The following PEBP4 variants were observed in gnomAD, a reference collection of about 807,000 sequenced individuals.
PEBP4 encodes the protein phosphatidylethanolamine-binding protein 4.
A neutral mutation model predicts 23.9 loss-of-function variants in PEBP4; 22 were observed. That is an observed-to-expected ratio of 0.92 (90% CI 0.66 to 1.31). The LOEUF is 1.31. Among genes scored for constraint, PEBP4 ranks in the 40% most tolerant of loss-of-function variants. PEBP4 has a pLI of 0.00. For missense variants in PEBP4, 324 were observed against 281.7 expected (o/e 1.15, Z -1.07); for synonymous variants, 112 against 99.3 (o/e 1.13, Z -0.76).
chr8:22,718,855 T>C (rs1335040420), intron 6 of PEBP4, among the ~76,000 whole-genome samples: 1 of 152,112 alleles, frequency 6.6e-6, no homozygotes. Flanking sequence ...CCTCCATGCT[T>C]CCTGACACCA....
intron 6 of PEBP4, among the ~76,000 whole-genome samples, chr8:22,716,226 C>G (rs1389706872): frequency 6.6e-6 from 1 of 152,178 alleles, no homozygotes; most frequent in African/African-American, 2.4e-5. Context: ...ATATGATGTA[C>G]AGGTTGATCC....
chr8:22,919,196 C>T (rs975849678), intron 3 of PEBP4, among the ~76,000 whole-genome samples: 2 of 152,168 alleles, frequency 1.3e-5, no homozygotes, highest in East Asian at 1.9e-4. Context: ...TGAGGCCTAA[C>T]CAAGGCAGCA....
chr8:22,760,838 T>C (rs1354206681), intron 4 of PEBP4, among the ~76,000 whole-genome samples: 3 of 152,190 alleles, frequency 2.0e-5, no homozygotes, highest in Admixed American at 6.5e-5. Context: ...GGATGAACTC[T>C]GGCAAAGGTT....
Position 22,775,924 on chromosome 8 carries a change from A to T in PEBP4, c.357+41713T>A, listed in dbSNP as rs1240833052. ...GAGCTTCTCTGGGCCATCTGTCCCT[A>T]CCAGGGATGGCCAGGGTGGTCTGGG... On this transcript the variant is annotated intron_variant, in intron 4 of 6. Transcript: ENST00000256404. The surrounding 1 kb of genome is among the most constrained non-coding windows in gnomAD (Gnocchi z 4.8). 2.0e-5 allele frequency among the ~76,000 whole-genome samples: 3 copies of T among 151,938 alleles called. No individual in the cohort carries two copies. Among genetic ancestry groups the T allele is most frequent in the African/African-American group, 7.3e-5 (3 of 41,348 alleles).
chr8:22,790,027 C>T (rs1178604006), intron 4 of PEBP4, among the ~76,000 whole-genome samples: 1 of 152,166 alleles, frequency 6.6e-6, no homozygotes, highest in Non-Finnish European at 1.5e-5. Context: ...ACCCCCATGG[C>T]CGCTCCGTCA....
chr8:22,745,401 C>A, intron 4 of PEBP4, among the ~76,000 whole-genome samples: 1 of 152,168 alleles, frequency 6.6e-6, no homozygotes, highest in East Asian at 1.9e-4. Flanking sequence ...AGGGCAGGGG[C>A]AGAGGCTGGG....
chr8:22,896,499 G>A (rs964080791), intron 3 of PEBP4, among the ~76,000 whole-genome samples: 5 of 152,100 alleles, frequency 3.3e-5, no homozygotes, highest in Non-Finnish European at 7.4e-5. Flanking sequence ...TCACTCAGGC[G>A]CACTCCTACT....
chr8:22,765,968 T>A (rs1171990301), intron 4 of PEBP4, among the ~76,000 whole-genome samples: 1 of 152,278 alleles, frequency 6.6e-6, no homozygotes, highest in Non-Finnish European at 1.5e-5. Context: ...CCACAGTGTT[T>A]AAGACCAAGC....
intron 4 of PEBP4, among the ~76,000 whole-genome samples, chr8:22,796,671 T>C (rs1806266730): frequency 6.6e-6 from 1 of 152,118 alleles, no homozygotes; most frequent in African/African-American, 2.4e-5. Flanking sequence ...GCCTAGATTA[T>C]CCTAAGTGAA....
intron 3 of PEBP4, among the ~76,000 whole-genome samples, chr8:22,913,013 T>G (rs13258613): frequency 0.5 from 76,375 of 152,036 alleles, 19,520 homozygotes; most frequent in African/African-American, 0.6. Flanking sequence ...ACACACACAG[T>G]TCTCCTGGAA....
At chr8:22,939,336 C>T (rs1487077628) in intron 1 of PEBP4, among the ~76,000 whole-genome samples, 2 of 152,038 alleles carry the variant, frequency 1.3e-5, no homozygotes, top group African/African-American at 4.8e-5. Context: ...ACCTGCCTTG[C>T]ATGAAATGTT....
intron 4 of PEBP4, among the ~76,000 whole-genome samples, chr8:22,733,224 CT>C (rs1465110914): frequency 4.6e-5 from 7 of 152,198 alleles, no homozygotes; most frequent in Non-Finnish European, 8.8e-5. Flanking sequence ...CCCTACCCAT[CT>C]TTGTGACCTA....
Position 22,791,384 on chromosome 8 carries a change from T to G in PEBP4, c.357+26253A>C, listed in dbSNP as rs138291772. 1.8e-4 allele frequency among the ~76,000 whole-genome samples: 28 copies of G among 152,302 alleles called. 1 individual carries two copies. Among genetic ancestry groups the G allele is most frequent in the Admixed American group, 3.9e-4 (6 of 15,306 alleles). ...TCTGCTCATTGCCATCCTGTCCTCA[T>G]GCTCAACCCTCTCTCAAATTTTAAT... On this transcript the variant is annotated intron_variant, in intron 4 of 6. Coordinates refer to ENST00000256404, the MANE Select transcript of PEBP4 (RefSeq NM_144962.3).
At chr8:22,793,533 A>C (rs993228471) in intron 4 of PEBP4, among the ~76,000 whole-genome samples, 2 of 150,104 alleles carry the variant, frequency 1.3e-5, no homozygotes, top group African/African-American at 2.5e-5. Flanking sequence ...TGCCCACCTC[A>C]GCCTCCCAAA....
At chr8:22,756,786 C>T (rs1033915676) in intron 4 of PEBP4, among the ~76,000 whole-genome samples, 30 of 152,042 alleles carry the variant, frequency 2.0e-4, no homozygotes, top group South Asian at 2.1e-4. Flanking sequence ...CTGTTGAGTT[C>T]GGAAATCGTG....
chr8:22,724,984 G>T, intron 5 of PEBP4, 28 bp from the exon 6 acceptor site: 1 of 1,563,120 alleles, frequency 6.4e-7, no homozygotes, highest in Non-Finnish European at 8.8e-7. Context: ...AGAGAGGTGA[G>T]CATCAACATC....
At chr8:22,735,249 G>C (rs1444204335) in intron 4 of PEBP4, among the ~76,000 whole-genome samples, 1 of 152,234 alleles carries the variant, frequency 6.6e-6, no homozygotes, top group Non-Finnish European at 1.5e-5. Context: ...TAGAGGCCAT[G>C]CTGGGGGGAG....
intron 4 of PEBP4, among the ~76,000 whole-genome samples, chr8:22,753,913 TC>T (rs1805322431): frequency 1.3e-5 from 2 of 152,060 alleles, no homozygotes; most frequent in Admixed American, 6.6e-5. Context: ...GTGGGGCCCC[TC>T]CCCACAACCT....
rs534744035 is a variant in PEBP4 at position 22,908,120 on chromosome 8, T to G, written c.258+12064A>C. Among the ~76,000 whole-genome samples the G allele has an allele frequency of 4.8e-3, 728 of 152,030 alleles. 1 individual carries two copies. Among genetic ancestry groups the G allele is most frequent in the Middle Eastern group, 6.8e-3 (2 of 292 alleles). On this transcript the variant is annotated intron_variant, in intron 3 of 6. Transcript: ENST00000256404. ...GGGCAAGACTGAAGATGGAGCAGGC[T>G]GGGGTTGGGAGTGGTGACTGGGTAC...
Sources: gnomAD v4.1 joint callset for allele counts (sites outside exome capture counted in the v4.1 genomes callset) on GRCh38, gnomAD v4.1.1 for gene constraint, Gnocchi (gnomAD v3.1) non-coding constraint, MANE v1.5 for transcripts, NCBI Gene and HGNC (gene_info 2026-07-23, HGNC 2026-07-21) for gene names.